Variants in ONECUT3 observed in about 807,000 individuals in gnomAD.
The protein encoded by ONECUT3 is one cut domain family member 3.
A neutral mutation model predicts 16.8 loss-of-function variants in ONECUT3; 11 were observed. The observed-to-expected ratio is 0.66, with a 90% CI of 0.41 to 1.09. The LOEUF (loss-of-function observed/expected upper bound fraction) is 1.09, where lower values mean the gene tolerates loss of function less well. ONECUT3 is among the 50% of genes least tolerant of loss of function. The pLI is 0.00. For synonymous variants in ONECUT3, 344 were observed against 310.7 expected (o/e 1.11, Z -1.13); for missense variants, 637 against 629.9 (o/e 1.01, Z -0.12).
chr19:1,756,262 A>G (rs138731062), intron 1 of ONECUT3, among the ~76,000 whole-genome samples: 1 of 152,310 alleles, frequency 6.6e-6, no homozygotes, highest in Non-Finnish European at 1.5e-5. Flanking sequence ...CAGAGCAAGC[A>G]AGGTGACTAG....
chr19:1,759,675 C>T lies in ONECUT3; in HGVS notation c.1192+4821C>T, dbSNP rs1316204951. On this transcript the variant is annotated intron_variant, in intron 1 of 1. Transcript: ENST00000382349. This position sits in a 1 kb window ranked among gnomAD's most constrained non-coding sequence, Gnocchi z 4.1. The stretch of plus-strand genomic sequence containing the variant: ...AGGTTGGGGGCTTGGAGACCCGGGC[C>T]TTCCCTGGGCTCTGTCCCTGGCTGA... Among the ~76,000 whole-genome samples the T allele has an allele frequency of 2.6e-5, 4 of 152,202 alleles. No homozygotes were observed. Among genetic ancestry groups the T allele is most frequent in the Non-Finnish European group, 5.9e-5 (4 of 68,044 alleles).
rs897966433 is a variant in ONECUT3 at position 1,778,299 on chromosome 19, C to T, written c.*2854C>T. ...GGGATTTCTTGTAGATATGGGGTCT[C>T]ACTATGCTGCCCAGGCTGGTCTTGA... On this transcript the variant is annotated 3_prime_UTR_variant, in exon 2 of 2. Transcript: ENST00000382349. The T allele has an allele frequency of 1.3e-5, 2 of 152,074 alleles. No individual in the cohort carries two copies. The highest frequency in any genetic ancestry group is 4.8e-5 in the African/African-American group (2 of 41,376). 9.4% of individuals were successfully genotyped at this position (152,074 alleles called of 1,614,324 possible). A position where few individuals can be genotyped will look rare whatever the true frequency, so the allele number is the denominator to read the frequency against.
chr19:1,771,240 C>G (rs1568600791), intron 1 of ONECUT3, among the ~76,000 whole-genome samples: 1 of 152,172 alleles, frequency 6.6e-6, no homozygotes, highest in Non-Finnish European at 1.5e-5. Flanking sequence ...CAGGGTCCCC[C>G]TCATCCTGAT....
chr19:1,765,418 T>A (rs2067977706), intron 1 of ONECUT3, among the ~76,000 whole-genome samples: 1 of 152,192 alleles, frequency 6.6e-6, no homozygotes. Context: ...GAGAGCCCAG[T>A]GGAGCCCGCG....
In ONECUT3 at chr19:1,778,248, C is replaced by A. The variant is rs7260472; in HGVS notation, c.*2803C>A. On this transcript the variant is annotated 3_prime_UTR_variant, in exon 2 of 2. Transcript: ENST00000382349. The stretch of plus-strand genomic sequence containing the variant: ...CCAGTAGCTGGGGCCACAAGCACAC[C>A]CCACCATGCCCATTTAATTTTTTAA... 120,323 of 151,856 alleles carry A rather than the reference C, an allele frequency of 0.79. 48,168 individuals carry two copies. The highest frequency in any genetic ancestry group is 0.89 in the African/African-American group (36,934 of 41,424). 9.4% of individuals were successfully genotyped at this position (151,856 alleles called of 1,614,324 possible). A position where few individuals can be genotyped will look rare whatever the true frequency, so the allele number is the denominator to read the frequency against.
rs2068133297 is a variant in ONECUT3, at chr19:1,778,891, C to CACACACACACACACACACACACACAT, written c.*3468_*3469insACATACACACACACACACACACACAC. On this transcript the variant is annotated 3_prime_UTR_variant, in exon 2 of 2. Transcript: ENST00000382349. ...TCACACACACACACACACACACACACACACACACACACACACACACACCCC... is the reference window on the plus strand; with the variant it reads ...TCACACACACACACACACACACACACACACACACACACACACACACACACATACACACACACACACACACACACCCC... The CACACACACACACACACACACACACAT allele has an allele frequency of 2.7e-5, 4 of 150,932 alleles. No homozygotes were observed. The highest frequency in any genetic ancestry group is 9.8e-5 in the African/African-American group (4 of 40,636). The allele number at this position is 150,932 out of a possible 1,614,324, so 9.3% of individuals were successfully genotyped here.
chr19:1,754,599 AGC>A lies in ONECUT3; in HGVS notation c.941_942del (p.Ala314GlyfsTer161). The A allele has an allele frequency of 7.4e-7, 1 of 1,343,818 alleles. No individual in the cohort carries two copies. Among genetic ancestry groups the A allele is most frequent in the Non-Finnish European group, 9.6e-7 (1 of 1,037,410 alleles). 83.2% of individuals were successfully genotyped at this position (1,343,818 alleles called of 1,614,324 possible). ...CCCCGGCGGGAGCGGCGGCGGCCCC[AGC>A]GCGGGCGCAGCGGCCGAGGAGATCA... ...GGPGGSGGGP[S>X]AGAAAEEINT... On this transcript the variant is annotated frameshift_variant, in exon 1 of 2. Coordinates refer to ENST00000382349, the MANE Select transcript of ONECUT3 (RefSeq NM_001080488.2). LOFTEE classifies it high-confidence loss of function. The surrounding 1 kb of genome is among the most constrained non-coding windows in gnomAD (Gnocchi z 7.4).
intron 1 of ONECUT3, among the ~76,000 whole-genome samples, chr19:1,765,511 C>A (rs575724703): frequency 5.3e-5 from 8 of 152,286 alleles, no homozygotes; most frequent in Non-Finnish European, 4.4e-5. Flanking sequence ...CATTGGGGAA[C>A]AGAGTCCCAG....
At chr19:1,769,159 G>A (rs1329754359) in intron 1 of ONECUT3, among the ~76,000 whole-genome samples, 1 of 150,442 alleles carries the variant, frequency 6.6e-6, no homozygotes, top group Non-Finnish European at 1.5e-5. Flanking sequence ...CGGTGGAGGT[G>A]GTGAAGGAAG....
Position 1,755,259 on chromosome 19 carries a change from G to A in ONECUT3, c.1192+405G>A, listed in dbSNP as rs1250800447. Among the ~76,000 whole-genome samples the A allele has an allele frequency of 6.6e-6, 1 of 152,046 alleles. No individual in the cohort carries two copies. Among genetic ancestry groups the A allele is most frequent in the African/African-American group, 2.4e-5 (1 of 41,450 alleles). ...GTCCCCGAACGAGCTGCTGTTGTCG[G>A]CTAAGGTGCCACTCCCCTCCTCCAG... On this transcript the variant is annotated intron_variant, in intron 1 of 1. Transcript: ENST00000382349. This position sits in a 1 kb window ranked among gnomAD's most constrained non-coding sequence, Gnocchi z 7.5.
rs1253552594 is a variant in ONECUT3 at position 1,754,858 on chromosome 19, G to T, written c.1192+4G>T. On this transcript the variant is annotated splice_donor_region_variant and intron_variant, in intron 1 of 1. Transcript: ENST00000382349. This position sits in a 1 kb window ranked among gnomAD's most constrained non-coding sequence, Gnocchi z 7.4. ...ATGTCGGCGCTGCGCTTGGCAGGTAGGAGCGTGGCGCGCAGGGCCAGACCC... is the reference window on the plus strand; with the variant it reads ...ATGTCGGCGCTGCGCTTGGCAGGTATGAGCGTGGCGCGCAGGGCCAGACCC... The T allele has an allele frequency of 2.1e-6, 3 of 1,463,262 alleles. No individual in the cohort carries two copies. 90.6% of individuals were successfully genotyped at this position (1,463,262 alleles called of 1,614,324 possible). A position where few individuals can be genotyped will look rare whatever the true frequency, so the allele number is the denominator to read the frequency against.
rs2067910365 is a variant in ONECUT3 at position 1,755,192 on chromosome 19, T to C, written c.1192+338T>C. Among the ~76,000 whole-genome samples the C allele has an allele frequency of 6.6e-6, 1 of 151,978 alleles. No individual in the cohort carries two copies. Among genetic ancestry groups the C allele is most frequent in the South Asian group, 2.1e-4 (1 of 4,820 alleles). On this transcript the variant is annotated intron_variant, in intron 1 of 1. Coordinates refer to ENST00000382349, the MANE Select transcript of ONECUT3 (RefSeq NM_001080488.2). This position sits in a 1 kb window ranked among gnomAD's most constrained non-coding sequence, Gnocchi z 7.5. ...CCCTCAGGGAAGCTCATTGTGTGTG[T>C]GCGTGTGTGTGTGTGAGCGCGCGCC...
Position 1,754,535 on chromosome 19 carries a change from G to T in ONECUT3, c.873G>T (p.Ala291=). ...TGCTGGCGCCGCTGGGCGGGCTGGC[G>T]GCGGCCGGGGCGCACGGGCCGCACG... The part of the protein sequence containing the change: ...AGLLAPLGGL[A]AAGAHGPHGG... The change falls in exon 1 of 2, where the codon GCG becomes GCT. Residue 291 remains alanine (A), a synonymous_variant. Transcript: ENST00000382349. This position sits in a 1 kb window ranked among gnomAD's most constrained non-coding sequence, Gnocchi z 7.4. 3.1e-6 allele frequency: 3 copies of T among 980,298 alleles called. No homozygotes were observed. Among genetic ancestry groups the T allele is most frequent in the Non-Finnish European group, 3.6e-6 (3 of 828,008 alleles). The allele number at this position is 980,298 out of a possible 1,614,324, so 60.7% of individuals were successfully genotyped here. A position where few individuals can be genotyped will look rare whatever the true frequency, so the allele number is the denominator to read the frequency against.
Position 1,753,897 on chromosome 19 carries a change from G to A in ONECUT3, c.235G>A (p.Asp79Asn). Residue 79 changes from aspartate (D) to asparagine (N), a missense_variant, in exon 1 of 2, where the codon GAC becomes AAC. Physicochemically the swap from Asp to Asn is conservative, Grantham distance 23. Transcript: ENST00000382349. ...GGAGSAGGGA[D>N]FRGELAGPLH... ...CGCGGGCAGCGCGGGCGGCGGCGCGGACTTCCGCGGGGAACTGGCGGGCCC... is the reference window on the plus strand; with the variant it reads ...CGCGGGCAGCGCGGGCGGCGGCGCGAACTTCCGCGGGGAACTGGCGGGCCC... 1 of 982,046 alleles carries A rather than the reference G, an allele frequency of 1.0e-6. No homozygotes were observed. The highest frequency in any genetic ancestry group is 4.5e-5 in the South Asian group (1 of 22,114). 60.8% of individuals were successfully genotyped at this position (982,046 alleles called of 1,614,324 possible). A position where few individuals can be genotyped will look rare whatever the true frequency, so the allele number is the denominator to read the frequency against.
Position 1,776,577 on chromosome 19 carries a change from A to G in ONECUT3, c.*1132A>G, listed in dbSNP as rs1238752882. 6.6e-6 allele frequency: 1 copy of G among 151,988 alleles called. No individual in the cohort carries two copies. The highest frequency in any genetic ancestry group is 2.4e-5 in the African/African-American group (1 of 41,358). 9.4% of individuals were successfully genotyped at this position (151,988 alleles called of 1,614,324 possible). A position where few individuals can be genotyped will look rare whatever the true frequency, so the allele number is the denominator to read the frequency against. ...ATTCCGCTTGCTCCATTTTTTGCCA[A>G]AAATATTTACAAATGGGAAGGGTCG... On this transcript the variant is annotated 3_prime_UTR_variant, in exon 2 of 2. Transcript: ENST00000382349. The surrounding 1 kb of genome is among the most constrained non-coding windows in gnomAD (Gnocchi z 4.9).
intron 1 of ONECUT3, among the ~76,000 whole-genome samples, chr19:1,760,373 C>T (rs1008893227): frequency 3.4e-5 from 5 of 147,450 alleles, no homozygotes; most frequent in African/African-American, 5.1e-5. Flanking sequence ...CGCTTCGGGA[C>T]GAAGTCTTGG....
At chr19:1,756,487 G>A (rs2067916802) in intron 1 of ONECUT3, among the ~76,000 whole-genome samples, 1 of 152,102 alleles carries the variant, frequency 6.6e-6, no homozygotes, top group Non-Finnish European at 1.5e-5. Context: ...CGGCCCTCGA[G>A]GTGCAGTGCG....
Position 1,760,955 on chromosome 19 carries a change from C to T in ONECUT3, c.1192+6101C>T, listed in dbSNP as rs1025425493. 3.9e-5 allele frequency among the ~76,000 whole-genome samples: 6 copies of T among 151,964 alleles called. No homozygotes were observed. In the East Asian group the frequency reaches 1.2e-3, roughly 29 times the overall value. On this transcript the variant is annotated intron_variant, in intron 1 of 1. Coordinates refer to ENST00000382349, the MANE Select transcript of ONECUT3 (RefSeq NM_001080488.2). ...TGAATCTCCCTCCCATTCCGTGCTG[C>T]TTCTCCAACAACCATTACCACTCTA...
At chr19:1,767,582 A>G (rs940143004) in intron 1 of ONECUT3, among the ~76,000 whole-genome samples, 1 of 152,124 alleles carries the variant, frequency 6.6e-6, no homozygotes. Context: ...CACAGCCTAC[A>G]GCCCCCGCCC....
Sources: allele counts gnomAD v4.1 joint callset (sites outside exome capture counted in the v4.1 genomes callset), GRCh38; gene constraint gnomAD v4.1.1; non-coding constraint Gnocchi (gnomAD v3.1); transcripts MANE v1.5; gene names NCBI Gene and HGNC (gene_info 2026-07-23, HGNC 2026-07-21).